The following PID1 variants were observed in gnomAD, a reference collection of about 807,000 sequenced individuals.
PID1 encodes phosphotyrosine interaction domain containing 1.
Under a neutral mutation model 19.1 loss-of-function variants are expected in PID1, and 10 were observed. The ratio of observed to expected loss-of-function variants is 0.52; its 90% CI spans 0.32 to 0.89. PID1 has a LOEUF of 0.89. Among genes scored for constraint, PID1 ranks in the 40% least tolerant of loss-of-function variants. The probability of loss-of-function intolerance (pLI) is 0.03; values close to 1 mark genes in which losing one functional copy is unlikely to be tolerated. For missense variants in PID1, 248 were observed against 285.3 expected (o/e 0.87, Z 0.94); for synonymous variants, 130 against 116.0 (o/e 1.12, Z -0.78).
At chr2:229,269,738 G>C (rs1690685719) in intron 1 of PID1, among the ~76,000 whole-genome samples, 1 of 152,214 alleles carries the variant, frequency 6.6e-6, no homozygotes. Flanking sequence ...GTAAGACAAG[G>C]AGGGGGTTAG....
chr2:229,066,123 A>G (rs1694321156), intron 2 of PID1, among the ~76,000 whole-genome samples: 1 of 152,204 alleles, frequency 6.6e-6, no homozygotes, highest in African/African-American at 2.4e-5. Flanking sequence ...AAAAACAACC[A>G]ACCAACCAAA....
intron 1 of PID1, chr2:229,232,223 A>C: frequency 9.2e-7 from 1 of 1,084,464 alleles, no homozygotes; most frequent in Non-Finnish European, 1.2e-6. Context: ...GGAGATCAAG[A>C]CCATCCTGGC....
intron 1 of PID1, chr2:229,227,824 C>T: frequency 3.1e-6 from 1 of 319,666 alleles, no homozygotes; most frequent in Non-Finnish European, 6.3e-6. Context: ...GTCATTATCT[C>T]CCAACCAACA....
chr2:229,260,184 C>T (rs1208140813), intron 1 of PID1, among the ~76,000 whole-genome samples: 5 of 152,030 alleles, frequency 3.3e-5, no homozygotes, highest in African/African-American at 7.3e-5. Flanking sequence ...CTGACTCAGC[C>T]ATATCAATTT....
chr2:229,143,457 A>G (rs1219581133), intron 2 of PID1, among the ~76,000 whole-genome samples: 2 of 152,150 alleles, frequency 1.3e-5, no homozygotes, highest in Non-Finnish European at 2.9e-5. Flanking sequence ...ATTTTCCTTA[A>G]GTTTGTTGAA....
At chr2:229,179,714 C>T (rs529365564) in intron 1 of PID1, among the ~76,000 whole-genome samples, 41 of 152,270 alleles carry the variant, frequency 2.7e-4, no homozygotes, top group African/African-American at 9.9e-4. Context: ...AAGCAAAGGT[C>T]GCCAGATACA....
intron 1 of PID1, among the ~76,000 whole-genome samples, chr2:229,180,366 C>T (rs1188050096): frequency 2.0e-5 from 3 of 152,100 alleles, no homozygotes; most frequent in East Asian, 1.9e-4. Context: ...AAATAATTAT[C>T]GCTTAATAAG....
At chr2:229,222,864 A>AACACACACACACACACAC (rs72386398) in intron 1 of PID1, among the ~76,000 whole-genome samples, 1 of 103,904 alleles carries the variant, frequency 9.6e-6, no homozygotes, top group African/African-American at 4.4e-5. Context: ...TTCACACACA[A>AACACACACACACACACAC]ACACACACAC....
At chr2:229,076,618 C>T (rs1574609166) in intron 2 of PID1, among the ~76,000 whole-genome samples, 2 of 152,064 alleles carry the variant, frequency 1.3e-5, no homozygotes, top group South Asian at 2.1e-4. Context: ...TGGTCAACTC[C>T]CACTTATGAG....
intron 1 of PID1, among the ~76,000 whole-genome samples, chr2:229,197,460 C>CA (rs1303009667): frequency 1.1e-4 from 17 of 151,972 alleles, no homozygotes; most frequent in Non-Finnish European, 1.3e-4. Flanking sequence ...ATACATTATA[C>CA]ATAGCACCAC....
At chr2:229,142,215 CT>C (rs1690030720) in intron 2 of PID1, among the ~76,000 whole-genome samples, 1 of 152,064 alleles carries the variant, frequency 6.6e-6, no homozygotes. Flanking sequence ...GTTCGAAGTA[CT>C]TTATAAATAT....
At chr2:229,223,536 A>G (rs779295935) in intron 1 of PID1, among the ~76,000 whole-genome samples, 64 of 152,218 alleles carry the variant, frequency 4.2e-4, no homozygotes, top group Non-Finnish European at 8.1e-4. Flanking sequence ...TAACAAGTCT[A>G]TAAAACAAAG....
At chr2:229,094,939 C>T in intron 2 of PID1, among the ~76,000 whole-genome samples, 1 of 152,108 alleles carries the variant, frequency 6.6e-6, no homozygotes. Context: ...GGGCCAAGTG[C>T]CATGCTACAC....
rs567762564 is a variant in PID1 at position 229,029,841 on chromosome 2, A to G, written c.178-3733T>C. Among the ~76,000 whole-genome samples, 6 of 149,054 alleles carry G rather than the reference A, an allele frequency of 4.0e-5. No individual in the cohort carries two copies. In the East Asian group the frequency reaches 1.1e-3, roughly 27 times the overall value. ...GGTGACAGAGTGACACTCCGTCTCAAAAAAAAAAAAAAACAATTAAAAGTA... is the reference window on the plus strand; with the variant it reads ...GGTGACAGAGTGACACTCCGTCTCAGAAAAAAAAAAAAACAATTAAAAGTA... On this transcript the variant is annotated intron_variant, in intron 2 of 2. Coordinates refer to ENST00000392055, the MANE Select transcript of PID1 (RefSeq NM_001100818.2).
At chr2:229,163,690 T>C (rs1242142713) in intron 1 of PID1, among the ~76,000 whole-genome samples, 4 of 121,248 alleles carry the variant, frequency 3.3e-5, no homozygotes, top group East Asian at 3.8e-4. Context: ...TGCGTGTGTG[T>C]GTGTGTATAC....
chr2:229,218,293 C>CAAAAA (rs67801043), intron 1 of PID1, among the ~76,000 whole-genome samples: 7 of 67,604 alleles, frequency 1.0e-4, no homozygotes, highest in African/African-American at 1.8e-4. Context: ...GTTTCCTGAG[C>CAAAAA]AAAAAAAAAA....
At chr2:229,071,022 A>G (rs1694440000) in intron 2 of PID1, among the ~76,000 whole-genome samples, 1 of 152,232 alleles carries the variant, frequency 6.6e-6, no homozygotes, top group South Asian at 2.1e-4. Flanking sequence ...TTTAGATTAT[A>G]TCCCATAAAG....
At position 229,102,391 on chromosome 2, in the gene PID1, A is replaced by T. The variant is rs1055534579; in HGVS notation, c.177+53427T>A. On this transcript the variant is annotated intron_variant, in intron 2 of 2. Coordinates refer to ENST00000392055, the MANE Select transcript of PID1 (RefSeq NM_001100818.2). ...GGTCATTTATTACAGCAGCAAGAAG[A>T]AGCTATTGTTAATAGAAGACTCACT... is the stretch of plus-strand genomic sequence containing the variant. Among the ~76,000 whole-genome samples, 3 of 152,352 alleles carry T rather than the reference A, an allele frequency of 2.0e-5. No individual in the cohort carries two copies. The South Asian group carries it at 6.2e-4, about 32-fold the overall frequency.
chr2:229,129,144 G>A (rs539665558), intron 2 of PID1, among the ~76,000 whole-genome samples: 1 of 152,240 alleles, frequency 6.6e-6, no homozygotes, highest in South Asian at 2.1e-4. Context: ...ACAGAATCAG[G>A]ACTTGAGCCC....
Sources: gnomAD v4.1 joint callset for allele counts (sites outside exome capture counted in the v4.1 genomes callset) on GRCh38, gnomAD v4.1.1 for gene constraint, MANE v1.5 for transcripts, NCBI Gene and HGNC (gene_info 2026-07-23, HGNC 2026-07-21) for gene names.